NALCN: variants seen among roughly 807,000 people sequenced by gnomAD.
The protein encoded by NALCN is sodium leak channel, non-selective, also known as sodium leak channel NALCN.
A neutral mutation model predicts 225.3 loss-of-function variants in NALCN; 111 were observed. The ratio of observed to expected loss-of-function variants is 0.49; its 90% confidence interval spans 0.42 to 0.58. The LOEUF is 0.58. Among genes scored for constraint, NALCN ranks in the 20% least tolerant of loss-of-function variants. The probability of loss-of-function intolerance (pLI) is 0.00; values close to 1 mark genes in which losing one functional copy is unlikely to be tolerated. For synonymous variants in NALCN, 764 were observed against 769.0 expected (o/e 0.99, Z 0.11); for missense variants, 1,378 against 2,202.4 (o/e 0.63, Z 7.49).
At chr13:101,232,086 C>T (rs1403550212) in intron 12 of NALCN, among the ~76,000 whole-genome samples, 1 of 150,822 alleles carries the variant, frequency 6.6e-6, no homozygotes, top group African/African-American at 2.4e-5. Flanking sequence ...TTTGCCTTCA[C>T]ATAGAGAAAA....
chr13:101,411,463 C>T (rs2047784638), intron 1 of NALCN, among the ~76,000 whole-genome samples: 1 of 151,774 alleles, frequency 6.6e-6, no homozygotes, highest in Non-Finnish European at 1.5e-5. Context: ...CTGCCTCAGC[C>T]TCCCCTCCCG....
chr13:101,305,297 A>G (rs914467578), intron 7 of NALCN, among the ~76,000 whole-genome samples: 1 of 152,100 alleles, frequency 6.6e-6, no homozygotes. Context: ...GTGGTTACTT[A>G]TTGGTTGGAA....
chr13:101,311,912 T>C (rs1321312888), intron 7 of NALCN, among the ~76,000 whole-genome samples: 1 of 152,074 alleles, frequency 6.6e-6, no homozygotes, highest in Non-Finnish European at 1.5e-5. Flanking sequence ...TTTCTATTGA[T>C]TGGAATAGTT....
chr13:101,180,797 C>T (rs181385129), intron 14 of NALCN: 31 of 322,860 alleles, frequency 9.6e-5, no homozygotes, highest in African/African-American at 6.7e-4. Context: ...ACTGCCGATG[C>T]TCCCAAGTGA....
At chr13:101,159,279 T>C (rs1439519884) in intron 15 of NALCN, among the ~76,000 whole-genome samples, 1 of 152,212 alleles carries the variant, frequency 6.6e-6, no homozygotes, top group Non-Finnish European at 1.5e-5. Context: ...GAAAATTGTA[T>C]GTATTGACAA....
chr13:101,392,124 C>T (rs547973654), intron 3 of NALCN, among the ~76,000 whole-genome samples: 3 of 152,024 alleles, frequency 2.0e-5, no homozygotes, highest in East Asian at 1.9e-4. Context: ...ATGATTTCAC[C>T]GGGAACTGAT....
At chr13:101,255,571 C>T (rs1019479792) in intron 11 of NALCN, among the ~76,000 whole-genome samples, 13 of 152,198 alleles carry the variant, frequency 8.5e-5, no homozygotes, top group African/African-American at 2.9e-4. Context: ...GTGGTCATTT[C>T]TGCTTTTGTT....
At chr13:101,056,967 T>C (rs1206671922) in intron 43 of NALCN, 2 of 152,224 alleles carry the variant, frequency 1.3e-5, no homozygotes, top group African/African-American at 4.8e-5. Flanking sequence ...CTAGATCTTC[T>C]CTGATCTCTG....
At chr13:101,392,967 T>A (rs943478501) in intron 3 of NALCN, among the ~76,000 whole-genome samples, 5 of 152,232 alleles carry the variant, frequency 3.3e-5, no homozygotes, top group Non-Finnish European at 4.4e-5. Flanking sequence ...GTGCAAAATC[T>A]GTATGAGGAA....
At chr13:101,226,889 G>A (rs868687676) in intron 13 of NALCN, among the ~76,000 whole-genome samples, 21 of 152,118 alleles carry the variant, frequency 1.4e-4, no homozygotes, top group Admixed American at 2.6e-4. Context: ...TGCTGGCTCC[G>A]TTCCTTTCTT....
Position 101,326,975 on chromosome 13 carries a change from C to A in NALCN, c.799+18291G>T, listed in dbSNP as rs371112514. On this transcript the variant is annotated intron_variant, in intron 7 of 43. Transcript: ENST00000251127. ...GTACTCAGATAAACAAGAGAGAGAG[C>A]CGCAGGGCCTCGTGGGACCTTAGTT... Among the ~76,000 whole-genome samples the A allele has an allele frequency of 9.2e-5, 14 of 152,252 alleles. No individual in the cohort carries two copies. The South Asian group carries it at 2.7e-3, about 29-fold the overall frequency.
intron 1 of NALCN, among the ~76,000 whole-genome samples, chr13:101,406,549 A>G (rs2047631462): frequency 6.6e-6 from 1 of 152,200 alleles, no homozygotes; most frequent in Non-Finnish European, 1.5e-5. Context: ...CTTGGCATCA[A>G]TTATTTTTTG....
chr13:101,249,866 A>C (rs772697547), intron 11 of NALCN, among the ~76,000 whole-genome samples: 6 of 152,142 alleles, frequency 3.9e-5, no homozygotes, highest in Non-Finnish European at 8.8e-5. Flanking sequence ...GCCTCTATTC[A>C]ACATTTTATT....
At chr13:101,150,520 G>C (rs1320978133) in intron 15 of NALCN, among the ~76,000 whole-genome samples, 1 of 152,136 alleles carries the variant, frequency 6.6e-6, no homozygotes, top group Non-Finnish European at 1.5e-5. Flanking sequence ...GAAAAAGGAA[G>C]AAAGAGTAAG....
At chr13:101,384,869 G>A (rs374187357) in intron 3 of NALCN, among the ~76,000 whole-genome samples, 1 of 152,186 alleles carries the variant, frequency 6.6e-6, no homozygotes, top group South Asian at 2.1e-4. Flanking sequence ...TATTATAAAA[G>A]ATGGAAAACA....
intron 7 of NALCN, among the ~76,000 whole-genome samples, chr13:101,310,717 T>C (rs937502558): frequency 6.6e-6 from 1 of 152,174 alleles, no homozygotes; most frequent in Non-Finnish European, 1.5e-5. Flanking sequence ...TGTGATCAAA[T>C]GCCTAGCACA....
intron 17 of NALCN, among the ~76,000 whole-genome samples, chr13:101,136,738 T>C (rs2139758442): frequency 6.6e-6 from 1 of 152,356 alleles, no homozygotes; most frequent in East Asian, 1.9e-4. Context: ...AGGTCTTTGC[T>C]ATTGTGAACA....
chr13:101,370,875 G>T (rs191679752), intron 6 of NALCN, among the ~76,000 whole-genome samples: 58 of 152,186 alleles, frequency 3.8e-4, no homozygotes, highest in Non-Finnish European at 7.1e-4. Context: ...AACCCCAAAG[G>T]TTTCTTGAGG....
chr13:101,276,036 C>T (rs2042959693), intron 10 of NALCN, among the ~76,000 whole-genome samples: 1 of 135,340 alleles, frequency 7.4e-6, no homozygotes, highest in South Asian at 2.5e-4. Context: ...TGCACTCCAG[C>T]CTGATGACAG....
Sources: gnomAD v4.1 joint callset for allele counts (sites outside exome capture counted in the v4.1 genomes callset) on GRCh38, gnomAD v4.1.1 for gene constraint, MANE v1.5 for transcripts, NCBI Gene and HGNC (gene_info 2026-07-23, HGNC 2026-07-21) for gene names.